The following STK32A variants were observed in gnomAD, a reference collection of about 807,000 sequenced individuals.
STK32A encodes the protein serine/threonine kinase 32A.
In STK32A, 41 loss-of-function variants were observed where a neutral mutation model predicts 53.2. The observed-to-expected ratio is 0.77, with a 90% CI of 0.60 to 1.00. STK32A has a LOEUF of 1.00. STK32A is among the 50% of genes least tolerant of loss of function. The probability of loss-of-function intolerance (pLI) is 0.00; values close to 1 mark genes in which losing one functional copy is unlikely to be tolerated. For synonymous variants in STK32A, 166 were observed against 162.8 expected (o/e 1.02, Z -0.15); for missense variants, 458 against 485.8 (o/e 0.94, Z 0.54).
At chr5:147,242,829 A>C (rs982180976) in intron 2 of STK32A, among the ~76,000 whole-genome samples, 19 of 152,314 alleles carry the variant, frequency 1.2e-4, no homozygotes, top group African/African-American at 4.6e-4. Flanking sequence ...AATTCAGTAC[A>C]TTTTGTAAAG....
intron 4 of STK32A, among the ~76,000 whole-genome samples, chr5:147,280,680 C>T (rs1170685439): frequency 1.3e-5 from 2 of 151,724 alleles, no homozygotes; most frequent in South Asian, 2.1e-4. Context: ...TAGCCCTGCC[C>T]CCACCTGATG....
chr5:147,270,087 T>G (rs1266541751), intron 2 of STK32A, among the ~76,000 whole-genome samples: 1 of 152,062 alleles, frequency 6.6e-6, no homozygotes, highest in East Asian at 1.9e-4. Flanking sequence ...AAGCAATTGG[T>G]TTTAAATAGA....
At chr5:147,276,593 T>A (rs190474801) in intron 2 of STK32A, among the ~76,000 whole-genome samples, 1 of 152,170 alleles carries the variant, frequency 6.6e-6, no homozygotes, top group Non-Finnish European at 1.5e-5. Flanking sequence ...AAGTGAGAAC[T>A]GCAAAGAGTT....
the STK32A span, among the ~76,000 whole-genome samples, chr5:147,395,248 A>T: frequency 6.6e-6 from 1 of 152,222 alleles, no homozygotes; most frequent in African/African-American, 2.4e-5. Flanking sequence ...CTAATGCTGG[A>T]AATCACTATC....
the STK32A span, chr5:147,394,047 T>C: frequency 1.9e-6 from 3 of 1,614,004 alleles, no homozygotes; most frequent in Non-Finnish European, 1.7e-6. Flanking sequence ...AACTCAGAGA[T>C]GTGATATTAG....
intron 2 of STK32A, among the ~76,000 whole-genome samples, chr5:147,258,399 A>G (rs1754336403): frequency 6.6e-6 from 1 of 152,124 alleles, no homozygotes; most frequent in Non-Finnish European, 1.5e-5. Flanking sequence ...GCTCCTTATA[A>G]TCCTTTTACC....
At chr5:147,312,165 A>G (rs1304179046) in intron 4 of STK32A, among the ~76,000 whole-genome samples, 2 of 152,224 alleles carry the variant, frequency 1.3e-5, no homozygotes, top group Middle Eastern at 3.2e-3. Flanking sequence ...CAATGGCACA[A>G]TCTTGGCTTA....
intron 4 of STK32A, among the ~76,000 whole-genome samples, chr5:147,282,070 T>G (rs1001741815): frequency 6.6e-6 from 1 of 152,178 alleles, no homozygotes; most frequent in African/African-American, 2.4e-5. Context: ...AAATTGCCAT[T>G]ACCAAGTCAC....
At chr5:147,279,997 G>A (rs936026050) in intron 4 of STK32A, among the ~76,000 whole-genome samples, 3 of 152,162 alleles carry the variant, frequency 2.0e-5, no homozygotes, top group African/African-American at 7.2e-5. Context: ...CACCCCCACT[G>A]GAGAAGCTGA....
At chr5:147,313,322 CG>C (rs1753798174) in intron 4 of STK32A, among the ~76,000 whole-genome samples, 1 of 152,046 alleles carries the variant, frequency 6.6e-6, no homozygotes, top group Admixed American at 6.6e-5. Context: ...AGCCAAAAAC[CG>C]GGAAACAACC....
intron 8 of STK32A, among the ~76,000 whole-genome samples, chr5:147,367,310 C>T (rs920940817): frequency 2.0e-5 from 3 of 152,150 alleles, no homozygotes; most frequent in Non-Finnish European, 4.4e-5. Flanking sequence ...AAGCAATCCA[C>T]CTGCCTTGGC....
intron 6 of STK32A, among the ~76,000 whole-genome samples, chr5:147,349,613 G>T (rs1755860898): frequency 6.6e-6 from 1 of 152,058 alleles, no homozygotes; most frequent in African/African-American, 2.4e-5. Flanking sequence ...ATAAGTATTA[G>T]ACCCACACTA....
chr5:147,280,562 A>G (rs1279597596), intron 4 of STK32A, among the ~76,000 whole-genome samples: 1 of 151,784 alleles, frequency 6.6e-6, no homozygotes, highest in African/African-American at 2.4e-5. Flanking sequence ...AGAGACAGCC[A>G]TAATCCTCCT....
rs573259564 is a variant in STK32A at position 147,324,480 on chromosome 5, C to A, written c.434+409C>A. Reference sequence around the variant, plus strand: ...AGTCTTTCTAATATTTGCTGTCCTGCAGTCTATATTAAATTAATCCCTAAT... The same window carrying A: ...AGTCTTTCTAATATTTGCTGTCCTGAAGTCTATATTAAATTAATCCCTAAT... On this transcript the variant is annotated intron_variant, in intron 5 of 12. Transcript: ENST00000397936. Among the ~76,000 whole-genome samples the A allele has an allele frequency of 1.8e-4, 27 of 152,288 alleles. No homozygotes were observed. The South Asian group carries it at 5.6e-3, about 32-fold the overall frequency.
At chr5:147,348,017 G>A (rs1354757590) in intron 6 of STK32A, among the ~76,000 whole-genome samples, 3 of 152,162 alleles carry the variant, frequency 2.0e-5, no homozygotes, top group Non-Finnish European at 4.4e-5. Context: ...GAAATTAACT[G>A]TTTTAGGTTA....
intron 2 of STK32A, among the ~76,000 whole-genome samples, chr5:147,272,111 G>A (rs192566330): frequency 3.9e-5 from 6 of 152,236 alleles, no homozygotes; most frequent in East Asian, 1.9e-4. Context: ...ATTTTTCAAT[G>A]CAGCTGATGC....
intron 11 of STK32A, chr5:147,383,005 C>T (rs1285817177): frequency 6.2e-6 from 1 of 161,170 alleles, no homozygotes; most frequent in African/African-American, 2.4e-5. Context: ...TTGCTTTCCA[C>T]CCTGACTCTC....
chr5:147,284,470 T>C (rs1332232062), intron 4 of STK32A, among the ~76,000 whole-genome samples: 1 of 152,042 alleles, frequency 6.6e-6, no homozygotes, highest in Non-Finnish European at 1.5e-5. Flanking sequence ...AGTCAAACTG[T>C]CACTGCTTGT....
intron 4 of STK32A, among the ~76,000 whole-genome samples, chr5:147,284,876 C>T (rs1752255444): frequency 6.6e-6 from 1 of 152,018 alleles, no homozygotes; most frequent in South Asian, 2.1e-4. Flanking sequence ...AACCATACTG[C>T]CAAAAGCAAT....
Sources: gnomAD v4.1 joint callset for allele counts (sites outside exome capture counted in the v4.1 genomes callset) on GRCh38, gnomAD v4.1.1 for gene constraint, MANE v1.5 for transcripts, NCBI Gene and HGNC (gene_info 2026-07-23, HGNC 2026-07-21) for gene names.